EIF3H: variants seen among roughly 807,000 people sequenced by gnomAD.
EIF3H encodes the protein eIF-3-gamma.
EIF3H carries 26 observed loss-of-function variants against 44.2 expected under a neutral mutation model. The ratio of observed to expected loss-of-function variants is 0.59; its 90% CI spans 0.43 to 0.82. EIF3H has a LOEUF of 0.82. EIF3H is among the 40% of genes least tolerant of loss of function. The probability of loss-of-function intolerance (pLI) is 0.00; values close to 1 mark genes in which losing one functional copy is unlikely to be tolerated. For missense variants in EIF3H, 359 were observed against 432.8 expected (o/e 0.83, Z 1.51); for synonymous variants, 166 against 151.9 (o/e 1.09, Z -0.68).
chr8:116,733,935 T>A (rs996183057), intron 1 of EIF3H, among the ~76,000 whole-genome samples: 2 of 152,216 alleles, frequency 1.3e-5, no homozygotes, highest in African/African-American at 4.8e-5. Context: ...GAAACATAGT[T>A]TTACATTTTT....
rs1218969275 is a variant in EIF3H, at chr8:116,644,374, A to T, written c.*632T>A. 6.6e-6 allele frequency: 1 copy of T among 152,282 alleles called. No homozygotes were observed. The highest frequency in any genetic ancestry group is 1.9e-4 in the East Asian group (1 of 5,210). The allele number at this position is 152,282 out of a possible 1,614,324, so 9.4% of individuals were successfully genotyped here. ...CACTACACTCCAGCCTGGGCAACAA[A>T]GTGAGACTCTGTCTTTAAAAATAAT... On this transcript the variant is annotated 3_prime_UTR_variant, in exon 8 of 8. Coordinates refer to ENST00000521861, the MANE Select transcript of EIF3H (RefSeq NM_003756.3).
At chr8:116,707,328 C>T (rs982696242) in intron 2 of EIF3H, among the ~76,000 whole-genome samples, 3 of 152,082 alleles carry the variant, frequency 2.0e-5, no homozygotes, top group Non-Finnish European at 4.4e-5. Context: ...ATTGAAAAAC[C>T]TTAAATATTT....
chr8:116,709,028 A>G (rs1243214525), intron 2 of EIF3H, among the ~76,000 whole-genome samples: 4 of 151,992 alleles, frequency 2.6e-5, no homozygotes, highest in Non-Finnish European at 5.9e-5. Context: ...TTGCAATAAA[A>G]GAAATTATGG....
intron 1 of EIF3H, among the ~76,000 whole-genome samples, chr8:116,735,092 C>T (rs776817195): frequency 5.3e-5 from 8 of 152,078 alleles, no homozygotes; most frequent in Non-Finnish European, 8.8e-5. Flanking sequence ...GGTTGCAACT[C>T]CAATAAAGTT....
Position 116,645,088 on chromosome 8 carries a change from T to G in EIF3H, c.977A>C (p.Tyr326Ser), listed in dbSNP as rs765334775. ...SLLIAGQINT[Y>S]CQNIKEFTAQ... ...AGTGAACTCCTTGATGTTCTGGCAGTAAGTGTTTATCTGGCCTGTGCATTT... is the reference window on the plus strand; with the variant it reads ...AGTGAACTCCTTGATGTTCTGGCAGGAAGTGTTTATCTGGCCTGTGCATTT... Residue 326 changes from tyrosine (Y) to serine (S), a missense_variant, in exon 8 of 8, where the codon TAC becomes TCC. By Grantham distance (144) the Tyr-to-Ser change is moderately radical. This residue lies in a region of EIF3H where 94 missense variants were observed against 96.0 expected (regional missense o/e 0.98). Transcript: ENST00000521861. The G allele has an allele frequency of 6.2e-7, 1 of 1,613,970 alleles. No individual in the cohort carries two copies. Among genetic ancestry groups the G allele is most frequent in the Non-Finnish European group, 8.5e-7 (1 of 1,179,866 alleles).
intron 2 of EIF3H, among the ~76,000 whole-genome samples, chr8:116,719,003 T>C (rs138176058): frequency 6.6e-6 from 1 of 152,240 alleles, no homozygotes; most frequent in Non-Finnish European, 1.5e-5. Context: ...GAAAAATTAC[T>C]ACGGTGGGAA....
intron 1 of EIF3H, among the ~76,000 whole-genome samples, chr8:116,753,445 C>A (rs933864657): frequency 9.2e-5 from 14 of 152,074 alleles, no homozygotes; most frequent in Non-Finnish European, 1.6e-4. Context: ...TCAAAAGGGT[C>A]TTTTTGGTGG....
At chr8:116,723,319 T>C (rs1037501598) in intron 2 of EIF3H, among the ~76,000 whole-genome samples, 3 of 152,316 alleles carry the variant, frequency 2.0e-5, no homozygotes, top group South Asian at 2.1e-4. Flanking sequence ...CATATGTGCA[T>C]GTATAGAGAA....
At chr8:116,662,325 CAAGT>C (rs778632202) in intron 2 of EIF3H, among the ~76,000 whole-genome samples, 1 of 152,080 alleles carries the variant, frequency 6.6e-6, no homozygotes, top group Non-Finnish European at 1.5e-5. Flanking sequence ...AAACAAACTG[CAAGT>C]GAGTCTTAAA....
At chr8:116,650,033 T>G (rs1813363012) in intron 5 of EIF3H, among the ~76,000 whole-genome samples, 1 of 152,186 alleles carries the variant, frequency 6.6e-6, no homozygotes, top group Non-Finnish European at 1.5e-5. Context: ...GACAAGCACA[T>G]GTAGGAAGCT....
At chr8:116,645,890 T>A (rs1813287776) in intron 7 of EIF3H, among the ~76,000 whole-genome samples, 1 of 152,206 alleles carries the variant, frequency 6.6e-6, no homozygotes, top group Admixed American at 6.5e-5. Flanking sequence ...TCTGACTGAA[T>A]CAGATGGCAT....
rs776029537 is a variant in EIF3H, at chr8:116,655,981, A to C, written c.582T>G (p.Phe194Leu). ...PEALKKANIT[F>L]EYMFEEVPIV... ...TCGGCACTTCTTCAAACATGTACTCAAAGGTGATATTTGCTTTTTTCAATC... is the reference window on the plus strand; with the variant it reads ...TCGGCACTTCTTCAAACATGTACTCCAAGGTGATATTTGCTTTTTTCAATC... Residue 194 changes from phenylalanine (F) to leucine (L), a missense_variant, in exon 5 of 8, where the codon TTT becomes TTG. Transcript: ENST00000521861. The C allele has an allele frequency of 6.2e-7, 1 of 1,613,464 alleles. No homozygotes were observed. The highest frequency in any genetic ancestry group is 8.5e-7 in the Non-Finnish European group (1 of 1,179,676).
chr8:116,739,567 G>A (rs906445490), intron 1 of EIF3H, among the ~76,000 whole-genome samples: 2 of 152,196 alleles, frequency 1.3e-5, no homozygotes, highest in African/African-American at 4.8e-5. Flanking sequence ...GGAGAATGGT[G>A]TGAACCTGGG....
upstream of EIF3H, among the ~76,000 whole-genome samples, chr8:116,760,442 G>A (rs1030287840): frequency 6.6e-6 from 1 of 152,094 alleles, no homozygotes; most frequent in Non-Finnish European, 1.5e-5. Context: ...GTATAAAGTT[G>A]GAGCCAATAA....
At chr8:116,665,634 T>C (rs1813653917) in intron 2 of EIF3H, among the ~76,000 whole-genome samples, 1 of 152,220 alleles carries the variant, frequency 6.6e-6, no homozygotes, top group Non-Finnish European at 1.5e-5. Context: ...ATCTCCTATC[T>C]GTTCTGGCAT....
intron 2 of EIF3H, among the ~76,000 whole-genome samples, chr8:116,692,405 A>G (rs1312044618): frequency 1.3e-5 from 2 of 152,210 alleles, no homozygotes; most frequent in African/African-American, 4.8e-5. Context: ...TAGGGCCTTG[A>G]TTATATTAAA....
chr8:116,656,837 AC>A (rs1416235299), intron 4 of EIF3H, among the ~76,000 whole-genome samples: 1 of 151,832 alleles, frequency 6.6e-6, no homozygotes, highest in Non-Finnish European at 1.5e-5. Flanking sequence ...TATCTTTCCC[AC>A]CCCCTCATTA....
At chr8:116,697,086 C>G (rs1473294819) in intron 2 of EIF3H, 2 of 456,138 alleles carry the variant, frequency 4.4e-6, no homozygotes, top group Non-Finnish European at 8.8e-6. Context: ...TGAGAGGCCT[C>G]CATCACCACC....
At chr8:116,725,242 AAC>A (rs1814815439) in intron 2 of EIF3H, among the ~76,000 whole-genome samples, 1 of 152,230 alleles carries the variant, frequency 6.6e-6, no homozygotes, top group Admixed American at 6.5e-5. Context: ...GACTCTTGGA[AAC>A]ACAAAGTAGA....
Sources: gnomAD v4.1 joint callset for allele counts (sites outside exome capture counted in the v4.1 genomes callset) on GRCh38, gnomAD v4.1.1 for gene constraint, gnomAD v4.1.1 regional missense constraint, MANE v1.5 for transcripts, NCBI Gene and HGNC (gene_info 2026-07-23, HGNC 2026-07-21) for gene names.